ABCC3: variants seen among roughly 807,000 people sequenced by gnomAD.
ABCC3 encodes ATP binding cassette subfamily C member 3.
A neutral mutation model predicts 165.3 loss-of-function variants in ABCC3; 121 were observed. That is an observed-to-expected ratio of 0.73 (90% CI 0.63 to 0.85). The LOEUF (loss-of-function observed/expected upper bound fraction) is 0.85, where lower values mean the gene tolerates loss of function less well. ABCC3 is among the 40% of genes least tolerant of loss of function. ABCC3 has a pLI of 0.00. For missense variants in ABCC3, 1,869 were observed against 1,964.1 expected (o/e 0.95, Z 0.92); for synonymous variants, 733 against 810.1 (o/e 0.90, Z 1.62).
chr17:50,677,763 C>G lies in ABCC3; in HGVS notation c.3398C>G (p.Ser1133Ter). 6.2e-7 allele frequency: 1 copy of G among 1,614,120 alleles called. No individual in the cohort carries two copies. The highest frequency in any genetic ancestry group is 8.5e-7 in the Non-Finnish European group (1 of 1,180,022). The change falls in exon 24 of 31, where the codon TCA becomes TGA. Residue 1133 changes from serine (S) to a stop codon, truncating the protein, a stop_gained. Transcript: ENST00000285238. LOFTEE classifies it high-confidence loss of function. ...CATCAGCGCTTCTATGCAGCCACAT[C>G]ACGGCAACTGAAGCGGCTGGAATCA... ...TLVQRFYAAT[S>*]RQLKRLESVS...
Position 50,663,003 on chromosome 17 carries a change from G to A in ABCC3, c.999-678G>A, listed in dbSNP as rs149261582. ...GGAGGCAGAGGAAGGCCAGGGCTCG[G>A]GGGCAGGGGCAGCCTCCGACAGCCT... is the stretch of plus-strand genomic sequence containing the variant. On this transcript the variant is annotated intron_variant, in intron 8 of 30. Coordinates refer to ENST00000285238, the MANE Select transcript of ABCC3 (RefSeq NM_003786.4). Among the ~76,000 whole-genome samples the A allele has an allele frequency of 2.5e-3, 387 of 152,216 alleles. 1 individual carries two copies. Among genetic ancestry groups the A allele is most frequent in the Non-Finnish European group, 4.6e-3 (313 of 68,000 alleles).
At position 50,669,429 on chromosome 17, in the gene ABCC3, C is replaced by G; in HGVS notation, c.2142C>G (p.Ala714=). The change falls in exon 17 of 31, where the codon GCC becomes GCG. Residue 714 remains alanine, a synonymous_variant. Transcript: ENST00000285238. The part of the protein sequence containing the change: ...TLQENVLFGK[A]LNPKRYQQTL... ...AGGAAAACGTGCTTTTCGGCAAAGCCCTGAACCCCAAGCGCTACCAGCAGA... is the reference window on the plus strand; with the variant it reads ...AGGAAAACGTGCTTTTCGGCAAAGCGCTGAACCCCAAGCGCTACCAGCAGA... The G allele has an allele frequency of 6.2e-7, 1 of 1,614,232 alleles. No individual in the cohort carries two copies.
chr17:50,677,362 G>T (rs1269511634), intron 23 of ABCC3, among the ~76,000 whole-genome samples: 1 of 152,198 alleles, frequency 6.6e-6, no homozygotes, highest in Non-Finnish European at 1.5e-5. Flanking sequence ...GTTCTGTAAT[G>T]AATTAGTCAG....
chr17:50,657,962 G>A (rs1967289768), intron 4 of ABCC3, 120 bp from the exon 5 acceptor site: 3 of 1,398,800 alleles, frequency 2.1e-6, no homozygotes, highest in Non-Finnish European at 2.9e-6. Flanking sequence ...GGGACCTGGA[G>A]GCCCCCAGGT....
intron 8 of ABCC3, chr17:50,662,162 C>T (rs1453600164): frequency 1.3e-5 from 2 of 152,472 alleles, no homozygotes; most frequent in African/African-American, 2.4e-5. Context: ...AGATGGAGTC[C>T]AGGCCAGGAA....
rs935205338 is a variant in ABCC3, at chr17:50,650,934, G to T, written c.46-4898G>T. 2.0e-5 allele frequency among the ~76,000 whole-genome samples: 3 copies of T among 151,354 alleles called. No individual in the cohort carries two copies. The South Asian group carries it at 6.3e-4, about 32-fold the overall frequency. ...ACAAAAATTGGCTGGGCGTGGTGGC[G>T]GGCACCTGTAATCCCAGCTACTGGG... On this transcript the variant is annotated intron_variant, in intron 1 of 30. Coordinates refer to ENST00000285238, the MANE Select transcript of ABCC3 (RefSeq NM_003786.4).
rs1967325541 is a variant in ABCC3 at position 50,659,258 on chromosome 17, G to A, written c.696G>A (p.Arg232=). 1 of 1,613,680 alleles carries A rather than the reference G, an allele frequency of 6.2e-7. No homozygotes were observed. Among genetic ancestry groups the A allele is most frequent in the Non-Finnish European group, 8.5e-7 (1 of 1,179,812 alleles). ...WFTKMAIYGY[R]HPLEEKDLWS... Reference sequence around the variant, plus strand: ...CCAGGATGGCCATCTATGGCTACCGGCATCCCCTGGAGGAGAAGGACCTCT... The same window carrying A: ...CCAGGATGGCCATCTATGGCTACCGACATCCCCTGGAGGAGAAGGACCTCT... Residue 232 remains arginine (R), a synonymous_variant, in exon 7 of 31, where the codon CGG becomes CGA. Coordinates refer to ENST00000285238, the MANE Select transcript of ABCC3 (RefSeq NM_003786.4).
intron 17 of ABCC3, among the ~76,000 whole-genome samples, chr17:50,671,368 G>A (rs1173641918): frequency 2.0e-5 from 3 of 151,726 alleles, no homozygotes; most frequent in Non-Finnish European, 4.4e-5. Context: ...TTTTCATCTT[G>A]CAAAACTAAA....
At chr17:50,642,975 G>A (rs1053757796) in intron 1 of ABCC3, among the ~76,000 whole-genome samples, 1 of 152,244 alleles carries the variant, frequency 6.6e-6, no homozygotes, top group Non-Finnish European at 1.5e-5. Flanking sequence ...GCCTAACAGT[G>A]CCCCTCCTAT....
chr17:50,636,359 G>A (rs1480608994), intron 1 of ABCC3, among the ~76,000 whole-genome samples: 1 of 151,764 alleles, frequency 6.6e-6, no homozygotes, highest in East Asian at 1.9e-4. Flanking sequence ...GAAACTTGGG[G>A]CAATGGAGGT....
At chr17:50,669,328 G>A (rs780315513) in intron 16 of ABCC3, 24 bp from the exon 17 acceptor site, 12 of 1,614,190 alleles carry the variant, frequency 7.4e-6, no homozygotes, top group Middle Eastern at 1.7e-4. Context: ...GGCAAGCCCC[G>A]AGGTAAATTT....
chr17:50,644,815 G>C (rs1357958191), intron 1 of ABCC3, among the ~76,000 whole-genome samples: 1 of 152,152 alleles, frequency 6.6e-6, no homozygotes, highest in Non-Finnish European at 1.5e-5. Flanking sequence ...TCAGGAGATC[G>C]AGACCATCCT....
At chr17:50,682,187 C>G (rs1014487107) in intron 26 of ABCC3, among the ~76,000 whole-genome samples, 5 of 151,968 alleles carry the variant, frequency 3.3e-5, no homozygotes, top group Admixed American at 1.3e-4. Flanking sequence ...GAGTAATGCT[C>G]TGCCGTCAGT....
rs575770716 is a variant in ABCC3, at chr17:50,644,407, GT to G, written c.45+9430del. 1.3e-3 allele frequency among the ~76,000 whole-genome samples: 189 copies of G among 150,752 alleles called. 2 individuals are homozygous for G. Among genetic ancestry groups the G allele is most frequent in the East Asian group, 0.011 (54 of 5,038 alleles). ...GCAGATCACTCCCCTTCCATGAGTT[GT>G]TTTCTTAAGATGCTAGAACTTGGCC... On this transcript the variant is annotated intron_variant, in intron 1 of 30. Transcript: ENST00000285238.
chr17:50,661,158 A>G, intron 8 of ABCC3, 44 bp downstream of exon 8: 1 of 1,517,404 alleles, frequency 6.6e-7, no homozygotes. Flanking sequence ...CCTGGGCAGC[A>G]GGGCTGGCTG....
At chr17:50,660,563 C>A (rs1221155742) in intron 7 of ABCC3, among the ~76,000 whole-genome samples, 1 of 152,176 alleles carries the variant, frequency 6.6e-6, no homozygotes, top group African/African-American at 2.4e-5. Context: ...TGCCACTCCA[C>A]CCCCTCCCTG....
At chr17:50,669,678 G>A in intron 17 of ABCC3, 150 bp downstream of exon 17, 3 of 811,072 alleles carry the variant, frequency 3.7e-6, no homozygotes, top group Non-Finnish European at 5.8e-6. Context: ...AGATCTATTA[G>A]CAGATCTGTT....
intron 17 of ABCC3, among the ~76,000 whole-genome samples, chr17:50,671,671 C>G (rs1236277338): frequency 6.9e-6 from 1 of 144,536 alleles, no homozygotes; most frequent in Non-Finnish European, 1.5e-5. Context: ...GGGGACCGAG[C>G]ATGCTAGCTC....
At position 50,676,522 on chromosome 17, in the gene ABCC3, C is replaced by G. The variant is rs774293390; in HGVS notation, c.3312C>G (p.Ile1104Met). ...FFNAISTLVV[I>M]MASTPLFTVV... ...ACGCCATCTCCACTCTTGTGGTCAT[C>G]ATGGCCAGCACGCCGCTCTTCACTG... The change falls in exon 23 of 31, where the codon ATC (isoleucine) becomes ATG (methionine). Residue 1104 changes from isoleucine to methionine, a missense_variant. Coordinates refer to ENST00000285238, the MANE Select transcript of ABCC3 (RefSeq NM_003786.4). 1 of 1,614,070 alleles carries G rather than the reference C, an allele frequency of 6.2e-7. No homozygotes were observed. The highest frequency in any genetic ancestry group is 1.3e-5 in the African/African-American group (1 of 74,918).
Sources: gnomAD v4.1 joint callset for allele counts (sites outside exome capture counted in the v4.1 genomes callset) on GRCh38, gnomAD v4.1.1 for gene constraint, MANE v1.5 for transcripts, NCBI Gene and HGNC (gene_info 2026-07-23, HGNC 2026-07-21) for gene names.